The following AGBL5 variants were observed in gnomAD, a reference collection of about 807,000 sequenced individuals.
AGBL5 encodes AGBL carboxypeptidase 5.
AGBL5 carries 51 observed loss-of-function variants against 88.0 expected under a neutral mutation model. The observed-to-expected ratio is 0.58, with a 90% CI of 0.46 to 0.73. The LOEUF (loss-of-function observed/expected upper bound fraction) is 0.73. AGBL5 is among the 30% of genes least tolerant of loss of function. The probability of loss-of-function intolerance (pLI) is 0.00; values close to 1 mark genes in which losing one functional copy is unlikely to be tolerated. For synonymous variants in AGBL5, 446 were observed against 438.8 expected, an observed-to-expected ratio of 1.02 and a Z score of -0.21; for missense variants, 1,031 against 1,162.2, an observed-to-expected ratio of 0.89 and a Z score of 1.64.
chr2:27,067,370 G>A, intron 11 of AGBL5, 124 bp from the exon 12 acceptor site: 1 of 861,232 alleles, frequency 1.2e-6, no homozygotes, highest in Non-Finnish European at 1.8e-6. Context: ...GGAGAGGGAT[G>A]TGGGTCTGAT....
At position 27,059,220 on chromosome 2, in the gene AGBL5, C is replaced by T. The variant is rs901582337; in HGVS notation, c.1905C>T (p.Thr635=). The change falls in exon 11 of 15, where the codon ACC becomes ACT. Residue 635 remains threonine, a synonymous_variant. Coordinates refer to ENST00000360131, the MANE Select transcript of AGBL5 (RefSeq NM_021831.6). ...TGCCTGTCTCCTGCTCCGAAAACAC[C>T]TTGAGTCGGGCACGAAGTTTTAGCA... The part of the protein sequence containing the change: ...NGLPVSCSEN[T]LSRARSFSTG... 1.7e-5 allele frequency: 28 copies of T among 1,613,818 alleles called. No homozygotes were observed. The highest frequency in any genetic ancestry group is 2.4e-5 in the Non-Finnish European group (28 of 1,179,996).
rs556271172 is a variant in AGBL5 at position 27,066,470 on chromosome 2, A to G, written c.2090-1024A>G. Among the ~76,000 whole-genome samples the G allele has an allele frequency of 2.6e-5, 4 of 152,228 alleles. No homozygotes were observed. The South Asian group carries it at 8.3e-4, about 32-fold the overall frequency. Reference sequence around the variant, plus strand: ...GACAATTAGAGCTGGATTTCAGGAGAAAAGGGCTACAGAGTGATTTGGGAG... The same window carrying G: ...GACAATTAGAGCTGGATTTCAGGAGGAAAGGGCTACAGAGTGATTTGGGAG... On this transcript the variant is annotated intron_variant, in intron 11 of 14. Transcript: ENST00000360131.
At position 27,053,270 on chromosome 2, in the gene AGBL5, A is replaced by C. The variant is rs949115381; in HGVS notation, c.215+97A>C. ...TTCATACCCAGCATACTCCCTGTCC[A>C]TTTCTGACCCATCGTCCCTCCTTTC... On this transcript the variant is annotated intron_variant, in intron 2 of 14. Transcript: ENST00000360131. The surrounding 1 kb of genome is among the most constrained non-coding windows in gnomAD (Gnocchi z 4.9). 7 of 1,520,136 alleles carry C rather than the reference A, an allele frequency of 4.6e-6. No individual in the cohort carries two copies. Among genetic ancestry groups the C allele is most frequent in the African/African-American group, 1.4e-5 (1 of 72,342 alleles). 94.2% of individuals were successfully genotyped at this position (1,520,136 alleles called of 1,614,324 possible).
chr2:27,055,741 A>G lies in AGBL5; in HGVS notation c.968A>G (p.His323Arg). 1 of 1,614,112 alleles carries G rather than the reference A, an allele frequency of 6.2e-7. No homozygotes were observed. The highest frequency in any genetic ancestry group is 1.1e-5 in the South Asian group (1 of 91,076). ...RQYLKPDAVLHPAIYGAKAVL... is the reference protein window; with the variant it reads ...RQYLKPDAVLRPAIYGAKAVL... ...TACCTGAAGCCTGATGCCGTCCTGC[A>G]CCCGGCCATCTATGGGGCCAAAGCT... Residue 323 changes from histidine (H) to arginine (R), a missense_variant, in exon 7 of 15, where the codon CAC becomes CGC. By Grantham distance (29) the His-to-Arg change is conservative (BLOSUM62 0). Coordinates refer to ENST00000360131, the MANE Select transcript of AGBL5 (RefSeq NM_021831.6).
At chr2:27,051,253 C>G (rs982087439), upstream of AGBL5, among the ~76,000 whole-genome samples, 1 of 152,188 alleles carries the variant, frequency 6.6e-6, no homozygotes, top group African/African-American at 2.4e-5. Context: ...GCTTAGCATG[C>G]GAGAGGTAGC....
intron 11 of AGBL5, among the ~76,000 whole-genome samples, chr2:27,062,119 CTTTT>C (rs11295283): frequency 2.3e-5 from 2 of 88,832 alleles, no homozygotes. Flanking sequence ...CCATCTAGGC[CTTTT>C]TTTTTTTTTT....
Position 27,058,580 on chromosome 2 carries a change from C to T in AGBL5, c.1852C>T (p.Arg618Ter). ...GGGTGTCAACAAGAAGAGGGGCCTT[C>T]GAACTCCACCCAAAAGTCACAAGTA... ...NVGVNKKRGL[R>*]TPPKSHNGLP... The change falls in exon 10 of 15, where the codon CGA becomes TGA. Residue 618 changes from arginine to a stop codon, truncating the protein, a stop_gained. Coordinates refer to ENST00000360131, the MANE Select transcript of AGBL5 (RefSeq NM_021831.6). LOFTEE classifies it high-confidence loss of function. The T allele has an allele frequency of 1.2e-6, 2 of 1,614,080 alleles. No homozygotes were observed. Among genetic ancestry groups the T allele is most frequent in the Non-Finnish European group, 1.7e-6 (2 of 1,180,034 alleles).
Position 27,052,717 on chromosome 2 carries a change from C to T in AGBL5, c.-46-196C>T, listed in dbSNP as rs193042708. Among the ~76,000 whole-genome samples the T allele has an allele frequency of 6.1e-3, 926 of 152,278 alleles. 7 individuals carry two copies. The highest frequency in any genetic ancestry group is 0.01 in the Middle Eastern group (3 of 294). On this transcript the variant is annotated intron_variant, in intron 1 of 14. Coordinates refer to ENST00000360131, the MANE Select transcript of AGBL5 (RefSeq NM_021831.6). ...GGGGTCCCTTTAGGTCATTTACAAC[C>T]CTTAGTGTTGGGGTACAGAATGCTG...
chr2:27,059,170 T>G lies in AGBL5; in HGVS notation c.1875-20T>G, dbSNP rs1411382738. On this transcript the variant is annotated intron_variant, in intron 10 of 14. Coordinates refer to ENST00000360131, the MANE Select transcript of AGBL5 (RefSeq NM_021831.6). ...CACAACCTTCCTGGCCCGGGTTAACTGGCATCTGCTTCTTTGCAGTGGGTT... is the reference window on the plus strand; with the variant it reads ...CACAACCTTCCTGGCCCGGGTTAACGGGCATCTGCTTCTTTGCAGTGGGTT... The G allele has an allele frequency of 7.5e-6, 12 of 1,608,644 alleles. No individual in the cohort carries two copies. Among genetic ancestry groups the G allele is most frequent in the Non-Finnish European group, 1.0e-5 (12 of 1,176,652 alleles).
intron 11 of AGBL5, chr2:27,061,874 G>C (rs1385580224): frequency 6.6e-6 from 1 of 150,448 alleles, no homozygotes; most frequent in Non-Finnish European, 1.5e-5. Context: ...GTGCAATGGT[G>C]CAATCTCGGC....
rs1327645099 is a variant in AGBL5, at chr2:27,053,550, A to C, written c.364A>C (p.Ile122Leu). 1.2e-6 allele frequency: 2 copies of C among 1,613,600 alleles called. No homozygotes were observed. The change falls in exon 3 of 15, where the codon ATT becomes CTT. Residue 122 changes from isoleucine to leucine, a missense_variant. Ile to Leu is a conservative substitution (Grantham distance 5). Coordinates refer to ENST00000360131, the MANE Select transcript of AGBL5 (RefSeq NM_021831.6). This position sits in a 1 kb window ranked among gnomAD's most constrained non-coding sequence, Gnocchi z 4.9. ...GCCCACCCGGCCACGCTGGGAACGC[A>C]TTCGAGACCGGCCCACCTTTGAGGT... ...TLPTRPRWER[I>L]RDRPTFEMTE...
Position 27,055,881 on chromosome 2 carries a change from A to C in AGBL5, c.1108A>C (p.Asn370His), listed in dbSNP as rs757182855. The C allele has an allele frequency of 4.6e-5, 75 of 1,614,090 alleles. No individual in the cohort carries two copies. Among genetic ancestry groups the C allele is most frequent in the Admixed American group, 3.3e-4 (20 of 60,000 alleles). ...TGTTTCTGACCTGGAGAAAGCCAAC[A>C]ATCTCCAAAATGAAGCTCAGTGTGG... ...APVSDLEKANNLQNEAQCGHS... is the reference protein window; with the variant it reads ...APVSDLEKANHLQNEAQCGHS... The change falls in exon 7 of 15, where the codon AAT (asparagine) becomes CAT (histidine). Residue 370 changes from asparagine to histidine, a missense_variant. This residue lies in a region of AGBL5 where 540 missense variants were observed against 678.2 expected (regional missense o/e 0.80). Coordinates refer to ENST00000360131, the MANE Select transcript of AGBL5 (RefSeq NM_021831.6).
chr2:27,058,347 A>G, intron 9 of AGBL5, 53 bp from the exon 10 acceptor site: 1 of 1,602,188 alleles, frequency 6.2e-7, no homozygotes, highest in Non-Finnish European at 8.5e-7. Flanking sequence ...ACCCCAAGGT[A>G]GCAGCCTGGA....
At position 27,058,323 on chromosome 2, in the gene AGBL5, T is replaced by G. The variant is rs979617474; in HGVS notation, c.1672-77T>G. On this transcript the variant is annotated intron_variant, in intron 9 of 14. Coordinates refer to ENST00000360131, the MANE Select transcript of AGBL5 (RefSeq NM_021831.6). ...GGTCTGGCCCCTCCTTCCCTTCCACTGTGCTGTGTACCCACCCCAAGGTAG... is the reference window on the plus strand; with the variant it reads ...GGTCTGGCCCCTCCTTCCCTTCCACGGTGCTGTGTACCCACCCCAAGGTAG... 3.9e-6 allele frequency: 6 copies of G among 1,534,960 alleles called. No individual in the cohort carries two copies. In the Admixed American group the frequency reaches 8.4e-5, roughly 21 times the overall value.
In AGBL5 at chr2:27,053,840, G is replaced by A. The variant is rs1430860354; in HGVS notation, c.388-56G>A. 1.0e-5 allele frequency: 16 copies of A among 1,561,130 alleles called. No individual in the cohort carries two copies. The East Asian group carries it at 3.6e-4, about 35-fold the overall frequency. Reference sequence around the variant, plus strand: ...GGTCAGTTCCTGGTGGTCCCAGTAGGAGCTCAGTTCTGACAATGGCATGTT... The same window carrying A: ...GGTCAGTTCCTGGTGGTCCCAGTAGAAGCTCAGTTCTGACAATGGCATGTT... On this transcript the variant is annotated intron_variant, in intron 3 of 14. Coordinates refer to ENST00000360131, the MANE Select transcript of AGBL5 (RefSeq NM_021831.6). This position sits in a 1 kb window ranked among gnomAD's most constrained non-coding sequence, Gnocchi z 4.9.
Position 27,069,551 on chromosome 2 carries a change from A to G in AGBL5, c.2356-22A>G, listed in dbSNP as rs1669171696. ...AACTCATGGAAGAATCCAGCCTCTT[A>G]GCGCAAACCCTGTCCACACAGGCTA... On this transcript the variant is annotated intron_variant, in intron 13 of 14. Coordinates refer to ENST00000360131, the MANE Select transcript of AGBL5 (RefSeq NM_021831.6). 7 of 1,605,046 alleles carry G rather than the reference A, an allele frequency of 4.4e-6. No homozygotes were observed. The South Asian group carries it at 4.4e-5, about 10-fold the overall frequency.
chr2:27,069,987 C>A, intron 14 of AGBL5, 105 bp from the exon 15 acceptor site: 1 of 1,529,798 alleles, frequency 6.5e-7, no homozygotes, highest in South Asian at 1.3e-5. Flanking sequence ...CATCCTTACC[C>A]ATCTTCATCT....
At chr2:27,064,670 T>G (rs1668889365) in intron 11 of AGBL5, among the ~76,000 whole-genome samples, 1 of 151,420 alleles carries the variant, frequency 6.6e-6, no homozygotes. Context: ...CATCCTGAGA[T>G]CTCTCCCTTT....
At chr2:27,063,633 C>T (rs1157602162) in intron 11 of AGBL5, among the ~76,000 whole-genome samples, 2 of 152,050 alleles carry the variant, frequency 1.3e-5, no homozygotes, top group African/African-American at 4.8e-5. Flanking sequence ...ACCTTTCTAC[C>T]CCTCAGAGGG....
Sources: allele counts gnomAD v4.1 joint callset (sites outside exome capture counted in the v4.1 genomes callset), GRCh38; gene constraint gnomAD v4.1.1; regional missense constraint gnomAD v4.1.1; non-coding constraint Gnocchi (gnomAD v3.1); transcripts MANE v1.5; gene names NCBI Gene and HGNC (gene_info 2026-07-23, HGNC 2026-07-21).